Variants in MREG observed in about 807,000 individuals in gnomAD.
MREG encodes melanoregulin.
Under a neutral mutation model 28.5 loss-of-function variants are expected in MREG, and 31 were observed. That is an observed-to-expected ratio of 1.09 (90% CI 0.82 to 1.47). The LOEUF is 1.47. Ranked by LOEUF, MREG falls within the 40% of genes most tolerant of loss-of-function variation. The pLI, the probability that MREG is intolerant of heterozygous loss-of-function variation, is 0.00. For missense variants in MREG, 256 were observed against 257.4 expected (o/e 0.99, Z 0.04); for synonymous variants, 106 against 95.2 (o/e 1.11, Z -0.66).
chr2:216,006,886 C>G (rs935174486), intron 1 of MREG, among the ~76,000 whole-genome samples: 45 of 152,186 alleles, frequency 3.0e-4, no homozygotes, highest in Non-Finnish European at 1.0e-4. Flanking sequence ...GTTTCCCTAG[C>G]TTCAATGCAG....
intron 2 of MREG, among the ~76,000 whole-genome samples, chr2:215,970,904 T>A (rs576339906): frequency 6.6e-6 from 1 of 152,052 alleles, no homozygotes; most frequent in Non-Finnish European, 1.5e-5. Flanking sequence ...AATGATAGAC[T>A]GGATAAAGAA....
At chr2:216,020,988 G>A (rs1244044459) in intron 1 of MREG, among the ~76,000 whole-genome samples, 4 of 152,154 alleles carry the variant, frequency 2.6e-5, no homozygotes, top group Admixed American at 6.5e-5. Flanking sequence ...TGAGACCGTC[G>A]GCAGAAGCAG....
intron 2 of MREG, among the ~76,000 whole-genome samples, chr2:215,963,772 C>T (rs1462976885): frequency 2.0e-5 from 3 of 152,004 alleles, no homozygotes; most frequent in Admixed American, 6.6e-5. Context: ...ATTCATCCCC[C>T]TTTTAGTCCT....
intron 2 of MREG, among the ~76,000 whole-genome samples, chr2:215,949,509 C>T (rs1692431255): frequency 6.6e-6 from 1 of 150,752 alleles, no homozygotes. Context: ...TGCAGTGAGC[C>T]GAGATCACGC....
intron 2 of MREG, among the ~76,000 whole-genome samples, chr2:215,965,259 G>A (rs189676960): frequency 7.6e-4 from 116 of 152,324 alleles, no homozygotes; most frequent in Admixed American, 5.0e-3. Context: ...TGATACATTT[G>A]CAGGTTCCTG....
intron 1 of MREG, among the ~76,000 whole-genome samples, chr2:216,000,934 T>C (rs1167154587): frequency 6.6e-6 from 1 of 152,178 alleles, no homozygotes. Flanking sequence ...TATTTTAAAA[T>C]GACGATCTCA....
chr2:215,982,501 C>T (rs866465317), intron 2 of MREG, among the ~76,000 whole-genome samples: 16 of 152,060 alleles, frequency 1.1e-4, no homozygotes, highest in African/African-American at 3.4e-4. Flanking sequence ...TTTTAGTAAT[C>T]GAATGGTGCA....
upstream of MREG, among the ~76,000 whole-genome samples, chr2:216,014,717 G>A (rs1694402240): frequency 6.6e-6 from 1 of 152,106 alleles, no homozygotes; most frequent in Non-Finnish European, 1.5e-5. Context: ...GAATTGCTGG[G>A]TCATTGGTCA....
At chr2:216,031,439 A>G (rs963146676) in intron 1 of MREG, among the ~76,000 whole-genome samples, 1 of 142,490 alleles carries the variant, frequency 7.0e-6, no homozygotes, top group South Asian at 2.2e-4. Flanking sequence ...AAAAGAAAGA[A>G]AGAAAAAGAA....
chr2:215,949,473 A>G (rs1217050131), intron 2 of MREG, among the ~76,000 whole-genome samples: 2 of 151,450 alleles, frequency 1.3e-5, no homozygotes, highest in Non-Finnish European at 2.9e-5. Context: ...AGGCAGGAGA[A>G]TTGCTTGAAC....
At chr2:215,968,111 G>A (rs1292965273) in intron 2 of MREG, among the ~76,000 whole-genome samples, 2 of 152,146 alleles carry the variant, frequency 1.3e-5, no homozygotes, top group Non-Finnish European at 2.9e-5. Flanking sequence ...CCAGAAGGAG[G>A]TATCCCTTCT....
At chr2:216,009,424 C>T (rs1460901035) in intron 1 of MREG, among the ~76,000 whole-genome samples, 2 of 151,872 alleles carry the variant, frequency 1.3e-5, no homozygotes, top group Non-Finnish European at 2.9e-5. Flanking sequence ...TTCAAAGCAA[C>T]CCTTGTGAAA....
chr2:215,988,995 C>T (rs761576289), intron 2 of MREG, among the ~76,000 whole-genome samples: 6 of 152,174 alleles, frequency 3.9e-5, no homozygotes, highest in Non-Finnish European at 8.8e-5. Flanking sequence ...TCCTGCCTGC[C>T]GGCTCTGAAG....
chr2:215,962,304 G>T (rs546555941), intron 2 of MREG, among the ~76,000 whole-genome samples: 64 of 152,254 alleles, frequency 4.2e-4, no homozygotes, highest in Non-Finnish European at 7.1e-4. Flanking sequence ...AATAAGATTC[G>T]AGCTAGTTTT....
intron 2 of MREG, among the ~76,000 whole-genome samples, chr2:215,975,617 C>G (rs1693235736): frequency 6.6e-6 from 1 of 152,234 alleles, no homozygotes; most frequent in Non-Finnish European, 1.5e-5. Context: ...GACACTGCCA[C>G]AGTCCATTCG....
chr2:215,941,362 T>C (rs1692195245), downstream of MREG, among the ~76,000 whole-genome samples: 1 of 152,188 alleles, frequency 6.6e-6, no homozygotes, highest in South Asian at 2.1e-4. Context: ...GTGGACCTAG[T>C]GTTAAGTAAT....
At chr2:215,953,922 A>G (rs921573327) in intron 2 of MREG, among the ~76,000 whole-genome samples, 1 of 152,252 alleles carries the variant, frequency 6.6e-6, no homozygotes, top group East Asian at 1.9e-4. Context: ...TTCAGTGCAT[A>G]GATTTATCTA....
At chr2:215,989,510 T>C (rs890109610) in intron 2 of MREG, among the ~76,000 whole-genome samples, 1 of 152,028 alleles carries the variant, frequency 6.6e-6, no homozygotes, top group Admixed American at 6.6e-5. Context: ...CACAACTCTT[T>C]ACCAGCAGGG....
intron 2 of MREG, among the ~76,000 whole-genome samples, chr2:215,994,523 T>C (rs1693808207): frequency 6.6e-6 from 1 of 150,524 alleles, no homozygotes; most frequent in Non-Finnish European, 1.5e-5. Context: ...AACCTGCACA[T>C]TCTGCAGATG....
Sources: allele counts gnomAD v4.1 joint callset (sites outside exome capture counted in the v4.1 genomes callset), GRCh38; gene constraint gnomAD v4.1.1; transcripts MANE v1.5; gene names NCBI Gene and HGNC (gene_info 2026-07-23, HGNC 2026-07-21).